Variants in NTM observed in about 807,000 individuals in gnomAD.
The protein encoded by NTM is IgLON family member 2.
Under a neutral mutation model 42.1 loss-of-function variants are expected in NTM, and 13 were observed. That is an observed-to-expected ratio of 0.31 (90% CI 0.20 to 0.49). NTM has a LOEUF of 0.49. Ranked by LOEUF, NTM falls within the 20% of genes least tolerant of loss-of-function variation. The pLI, the probability that NTM is intolerant of heterozygous loss-of-function variation, is 0.99. For synonymous variants in NTM, 187 were observed against 179.2 expected, an observed-to-expected ratio of 1.04 and a Z score of -0.35; for missense variants, 373 against 452.8, an observed-to-expected ratio of 0.82 and a Z score of 1.60.
At chr11:131,484,284 A>G (rs1012535204) in intron 1 of NTM, among the ~76,000 whole-genome samples, 1 of 152,186 alleles carries the variant, frequency 6.6e-6, no homozygotes, top group Non-Finnish European at 1.5e-5. Context: ...AGAGAGAGAG[A>G]CAGACTAAAG....
intron 2 of NTM, among the ~76,000 whole-genome samples, chr11:132,035,771 A>T (rs1417811373): frequency 6.6e-6 from 1 of 152,102 alleles, no homozygotes; most frequent in African/African-American, 2.4e-5. Flanking sequence ...TTGAGGAAGG[A>T]GGATGCTGGC....
chr11:132,331,510 C>CA (rs1169581852), intron 8 of NTM, among the ~76,000 whole-genome samples: 2 of 152,120 alleles, frequency 1.3e-5, no homozygotes, highest in Non-Finnish European at 2.9e-5. Flanking sequence ...CAATTTTAAG[C>CA]AAAAGTAAAA....
rs138034047 is a variant in NTM, at chr11:131,699,426, G to T, written c.83-212138G>T. On this transcript the variant is annotated intron_variant, in intron 1 of 8. Transcript: ENST00000683400. ...TGAGTAAGTGCTATGATAGAGGCAGGAGTGGGTTGCAAAGGAGAAGCATCA... is the reference window on the plus strand; with the variant it reads ...TGAGTAAGTGCTATGATAGAGGCAGTAGTGGGTTGCAAAGGAGAAGCATCA... 3.2e-3 allele frequency among the ~76,000 whole-genome samples: 490 copies of T among 152,298 alleles called. 4 individuals are homozygous for T. Among genetic ancestry groups the T allele is most frequent in the African/African-American group, 0.011 (451 of 41,562 alleles).
At position 132,177,727 on chromosome 11, in the gene NTM, A is replaced by G. The variant is rs544011325; in HGVS notation, c.400+31213A>G. Among the ~76,000 whole-genome samples the G allele has an allele frequency of 1.8e-4, 28 of 152,328 alleles. 1 individual carries two copies. The highest frequency in any genetic ancestry group is 6.5e-4 in the African/African-American group (27 of 41,590). The stretch of plus-strand genomic sequence containing the variant: ...ATGAAATGCCTAAAGCTAATAAAAA[A>G]TCTTGTTGTTGAAGGCAATGAAGCC... On this transcript the variant is annotated intron_variant, in intron 3 of 8. Coordinates refer to ENST00000683400, the MANE Select transcript of NTM (RefSeq NM_001352005.2).
At chr11:132,162,266 A>G (rs757255274) in intron 3 of NTM, among the ~76,000 whole-genome samples, 2 of 148,268 alleles carry the variant, frequency 1.3e-5, no homozygotes, top group Non-Finnish European at 3.0e-5. Context: ...ATGTTTGTGT[A>G]GGGAGTGTGT....
At chr11:131,757,051 C>T (rs953004093) in intron 1 of NTM, among the ~76,000 whole-genome samples, 1 of 152,210 alleles carries the variant, frequency 6.6e-6, no homozygotes, top group Non-Finnish European at 1.5e-5. Flanking sequence ...ATGCCTTCAG[C>T]AGGGGCAGCC....
intron 1 of NTM, among the ~76,000 whole-genome samples, chr11:131,419,553 G>A (rs574223459): frequency 6.6e-6 from 1 of 152,104 alleles, no homozygotes; most frequent in Non-Finnish European, 1.5e-5. Context: ...GCAGTGAGGT[G>A]GGGGAATAGC....
At chr11:131,808,616 G>A (rs1449578667) in intron 1 of NTM, among the ~76,000 whole-genome samples, 1 of 152,214 alleles carries the variant, frequency 6.6e-6, no homozygotes, top group African/African-American at 2.4e-5. Flanking sequence ...GTTGGTCCGG[G>A]GAAGTGTCAC....
At chr11:131,972,743 G>A (rs1455824227) in intron 2 of NTM, among the ~76,000 whole-genome samples, 1 of 152,182 alleles carries the variant, frequency 6.6e-6, no homozygotes, top group Non-Finnish European at 1.5e-5. Flanking sequence ...CCCTGGAACA[G>A]AGGCAGTGTC....
chr11:132,247,108 A>G (rs2091290415), intron 4 of NTM, among the ~76,000 whole-genome samples: 2 of 152,190 alleles, frequency 1.3e-5, no homozygotes, highest in East Asian at 3.9e-4. Flanking sequence ...TTCACCCCCA[A>G]GTGTGGCCCC....
intron 7 of NTM, among the ~76,000 whole-genome samples, chr11:132,326,050 G>C (rs545051320): frequency 3.3e-5 from 5 of 151,998 alleles, no homozygotes; most frequent in African/African-American, 1.2e-4. Flanking sequence ...ATAGCATTAG[G>C]ATATATACCT....
At chr11:131,753,334 G>C (rs923810649) in intron 1 of NTM, among the ~76,000 whole-genome samples, 1 of 151,760 alleles carries the variant, frequency 6.6e-6, no homozygotes, top group African/African-American at 2.4e-5. Flanking sequence ...TCAGTGTGGC[G>C]ATTCCTCAGG....
At chr11:131,924,020 T>C (rs2057596019) in intron 2 of NTM, among the ~76,000 whole-genome samples, 1 of 152,192 alleles carries the variant, frequency 6.6e-6, no homozygotes, top group South Asian at 2.1e-4. Context: ...TGCTCATACT[T>C]GGTGTTAGCC....
At position 131,550,215 on chromosome 11, in the gene NTM, A is replaced by C. The variant is rs563372974; in HGVS notation, c.82+179327A>C. ...GAAATGTGTTAATTAAGCCTCAAAA[A>C]TTGGGAGGATTGCTTGAGCCCAGGA... is the stretch of plus-strand genomic sequence containing the variant. On this transcript the variant is annotated intron_variant, in intron 1 of 8. Coordinates refer to ENST00000683400, the MANE Select transcript of NTM (RefSeq NM_001352005.2). Among the ~76,000 whole-genome samples, 6 of 152,370 alleles carry C rather than the reference A, an allele frequency of 3.9e-5. No homozygotes were observed. The East Asian group carries it at 1.2e-3, about 29-fold the overall frequency.
intron 1 of NTM, among the ~76,000 whole-genome samples, chr11:131,744,388 G>A (rs150035650): frequency 6.6e-6 from 1 of 152,080 alleles, no homozygotes; most frequent in East Asian, 1.9e-4. Flanking sequence ...GATTATTATT[G>A]TTTGTAATAC....
intron 1 of NTM, among the ~76,000 whole-genome samples, chr11:131,449,179 C>A (rs554514236): frequency 1.3e-5 from 2 of 152,134 alleles, no homozygotes; most frequent in African/African-American, 4.8e-5. Context: ...GCACGGACAC[C>A]GTGGCTGGTA....
chr11:131,871,918 C>A (rs1323122699), intron 1 of NTM, among the ~76,000 whole-genome samples: 1 of 152,206 alleles, frequency 6.6e-6, no homozygotes, highest in Non-Finnish European at 1.5e-5. Context: ...AGAGCTTCAG[C>A]CAATTTCAGT....
At position 131,851,530 on chromosome 11, in the gene NTM, G is replaced by GGCGCGC. The variant is rs373506319; in HGVS notation, c.83-60031_83-60030insCGCGCG. ...TAACATCACATGCCCTGGTGAGAATGGCGTGTGTGTGTGTGTGTGTGTGTG... is the reference window on the plus strand; with the variant it reads ...TAACATCACATGCCCTGGTGAGAATGGCGCGCGCGTGTGTGTGTGTGTGTGTGTGTG... On this transcript the variant is annotated intron_variant, in intron 1 of 8. Coordinates refer to ENST00000683400, the MANE Select transcript of NTM (RefSeq NM_001352005.2). 5.0e-3 allele frequency among the ~76,000 whole-genome samples: 353 copies of GGCGCGC among 70,086 alleles called. 1 individual carries two copies. Among genetic ancestry groups the GGCGCGC allele is most frequent in the Non-Finnish European group, 8.1e-3 (232 of 28,538 alleles). 46.0% of individuals were successfully genotyped at this position (70,086 alleles called of 152,430 possible).
At chr11:131,410,308 A>G (rs1027426062) in intron 1 of NTM, among the ~76,000 whole-genome samples, 11 of 152,018 alleles carry the variant, frequency 7.2e-5, no homozygotes, top group African/African-American at 2.7e-4. Context: ...CACCATCTCT[A>G]TCAAAACTAA....
Sources: allele counts gnomAD v4.1 joint callset (sites outside exome capture counted in the v4.1 genomes callset), GRCh38; gene constraint gnomAD v4.1.1; transcripts MANE v1.5; gene names NCBI Gene and HGNC (gene_info 2026-07-23, HGNC 2026-07-21).